Variants in ADGRG6 observed in about 807,000 individuals in gnomAD.
ADGRG6 encodes adhesion G protein-coupled receptor G6.
A neutral mutation model predicts 142.4 loss-of-function variants in ADGRG6; 84 were observed. The observed-to-expected ratio is 0.59, with a 90% CI of 0.49 to 0.71. ADGRG6 has a LOEUF of 0.71. ADGRG6 is among the 30% of genes least tolerant of loss of function. The pLI is 0.00. For synonymous variants in ADGRG6, 521 were observed against 520.5 expected (o/e 1.00, Z -0.01); for missense variants, 1,367 against 1,466.6 (o/e 0.93, Z 1.11).
At chr6:142,345,543 T>C (rs1779857818) in intron 2 of ADGRG6, among the ~76,000 whole-genome samples, 1 of 152,146 alleles carries the variant, frequency 6.6e-6, no homozygotes, top group South Asian at 2.1e-4. Context: ...CATGAATTTT[T>C]AGTGGGTGTT....
At chr6:142,382,114 T>C in intron 5 of ADGRG6, 95 bp downstream of exon 5, 1 of 768,348 alleles carries the variant, frequency 1.3e-6, no homozygotes, top group Non-Finnish European at 2.2e-6. Flanking sequence ...ATCTGAATTT[T>C]CACTTGGAAA....
chr6:142,373,638 A>G (rs934769685), intron 4 of ADGRG6, among the ~76,000 whole-genome samples: 2 of 152,158 alleles, frequency 1.3e-5, no homozygotes, highest in Admixed American at 6.6e-5. Context: ...TTCTGGGCTC[A>G]AGTGATCCTC....
intron 5 of ADGRG6, among the ~76,000 whole-genome samples, chr6:142,383,097 A>G (rs1470553564): frequency 2.6e-5 from 4 of 152,174 alleles, no homozygotes; most frequent in Non-Finnish European, 5.9e-5. Context: ...AGTTTAAAAA[A>G]AGTTATTTTT....
chr6:142,310,191 CA>C (rs763478978), intron 2 of ADGRG6, among the ~76,000 whole-genome samples: 1 of 151,708 alleles, frequency 6.6e-6, no homozygotes, highest in East Asian at 1.9e-4. Flanking sequence ...TTTCTAGTTA[CA>C]TTTTTTTGAA....
intron 2 of ADGRG6, among the ~76,000 whole-genome samples, chr6:142,366,309 T>C (rs1562340650): frequency 6.6e-6 from 1 of 152,204 alleles, no homozygotes; most frequent in African/African-American, 2.4e-5. Context: ...AAAGGAGACA[T>C]GATCTTAGAT....
At position 142,421,933 on chromosome 6, in the gene ADGRG6, T is replaced by C. The variant is rs183704100; in HGVS notation, c.3319+1829T>C. On this transcript the variant is annotated intron_variant, in intron 22 of 24. Coordinates refer to ENST00000367609, the MANE Select transcript of ADGRG6 (RefSeq NM_198569.3). ...ACAGAGCACATGAGTCTACCAACAA[T>C]TGCTTGCTGCCCAGGCTTGTGCCAA... Among the ~76,000 whole-genome samples, 752 of 152,300 alleles carry C rather than the reference T, an allele frequency of 4.9e-3. 9 individuals carry two copies. The highest frequency in any genetic ancestry group is 0.017 in the African/African-American group (712 of 41,580).
intron 2 of ADGRG6, among the ~76,000 whole-genome samples, chr6:142,355,954 GC>G (rs1377044382): frequency 6.6e-6 from 1 of 152,188 alleles, no homozygotes; most frequent in Non-Finnish European, 1.5e-5. Context: ...TGATGTGGAG[GC>G]CCCCTGGGGC....
In ADGRG6 at chr6:142,370,813, CTTTTTT is replaced by C; in HGVS notation, c.1069+32_1069+37del. 2.1e-6 allele frequency: 3 copies of C among 1,458,808 alleles called. No homozygotes were observed. The highest frequency in any genetic ancestry group is 2.8e-6 in the Non-Finnish European group (3 of 1,079,848). 90.4% of individuals were successfully genotyped at this position (1,458,808 alleles called of 1,614,324 possible). On this transcript the variant is annotated intron_variant, in intron 4 of 24. Coordinates refer to ENST00000367609, the MANE Select transcript of ADGRG6 (RefSeq NM_198569.3). Reference sequence around the variant, plus strand: ...GCTGTGGTGAGTTTGTAGCGTATTCCTTTTTTTTTTTTTTTTTAGCATTATTCTATG... The same window carrying C: ...GCTGTGGTGAGTTTGTAGCGTATTCCTTTTTTTTTTTAGCATTATTCTATG...
intron 2 of ADGRG6, 39 bp downstream of exon 2, chr6:142,309,683 G>T (rs368244980): frequency 7.8e-6 from 10 of 1,282,876 alleles, no homozygotes; most frequent in Non-Finnish European, 1.1e-5. Context: ...ATTTAATCAT[G>T]ATGACATTGT....
intron 2 of ADGRG6, among the ~76,000 whole-genome samples, chr6:142,357,013 G>A (rs1415291300): frequency 1.3e-5 from 2 of 152,094 alleles, no homozygotes; most frequent in Non-Finnish European, 1.5e-5. Flanking sequence ...AAATTTTAAA[G>A]AAAAGATCTT....
At chr6:142,398,691 A>G (rs185233265) in intron 10 of ADGRG6, among the ~76,000 whole-genome samples, 18 of 151,976 alleles carry the variant, frequency 1.2e-4, no homozygotes, top group Admixed American at 4.6e-4. Context: ...CCTCATTATC[A>G]CCTATGTATT....
chr6:142,421,520 G>T (rs923041687), intron 22 of ADGRG6, among the ~76,000 whole-genome samples: 1 of 152,068 alleles, frequency 6.6e-6, no homozygotes, highest in Non-Finnish European at 1.5e-5. Flanking sequence ...ACATAAAAGT[G>T]CTTAAATAAA....
At chr6:142,370,113 C>T in intron 3 of ADGRG6, 57 bp from the exon 4 acceptor site, 1 of 1,463,502 alleles carries the variant, frequency 6.8e-7, no homozygotes, top group Non-Finnish European at 9.3e-7. Flanking sequence ...TTTTGCATCA[C>T]ATTAGTCTGT....
intron 11 of ADGRG6, chr6:142,400,800 A>G (rs1775479224): frequency 1.2e-5 from 6 of 490,422 alleles, no homozygotes; most frequent in East Asian, 3.3e-5. Context: ...TCCCAGCCAC[A>G]TGCTAATCAA....
chr6:142,330,637 A>G (rs950099084), intron 2 of ADGRG6, among the ~76,000 whole-genome samples: 1 of 152,224 alleles, frequency 6.6e-6, no homozygotes, highest in Non-Finnish European at 1.5e-5. Context: ...AGAGGAATAA[A>G]ATATGCTTGA....
chr6:142,365,453 A>C (rs1419029575), intron 2 of ADGRG6, among the ~76,000 whole-genome samples: 1 of 152,104 alleles, frequency 6.6e-6, no homozygotes, highest in African/African-American at 2.4e-5. Context: ...AGAATGGCAA[A>C]TATGACAGTC....
At chr6:142,436,638 G>C (rs1777502523) in intron 22 of ADGRG6, among the ~76,000 whole-genome samples, 1 of 152,192 alleles carries the variant, frequency 6.6e-6, no homozygotes, top group Non-Finnish European at 1.5e-5. Flanking sequence ...CTTAAAAAAA[G>C]TGTTTTAACA....
intron 2 of ADGRG6, among the ~76,000 whole-genome samples, chr6:142,324,309 G>A (rs1778658357): frequency 6.6e-6 from 1 of 152,066 alleles, no homozygotes. Flanking sequence ...AATTGCTGAT[G>A]TCAGCATGGC....
At chr6:142,397,589 G>A in intron 9 of ADGRG6, 24 bp from the exon 10 acceptor site, 1 of 1,604,076 alleles carries the variant, frequency 6.2e-7, no homozygotes, top group African/African-American at 1.3e-5. Context: ...AACAACAACA[G>A]TTCTATCCGA....
Sources: gnomAD v4.1 joint callset for allele counts (sites outside exome capture counted in the v4.1 genomes callset) on GRCh38, gnomAD v4.1.1 for gene constraint, MANE v1.5 for transcripts, NCBI Gene and HGNC (gene_info 2026-07-23, HGNC 2026-07-21) for gene names.